ATP1A4: variants seen among roughly 807,000 people sequenced by gnomAD.
The protein encoded by ATP1A4 is sodium/potassium-transporting ATPase subunit alpha-4.
Under a neutral mutation model 114.3 loss-of-function variants are expected in ATP1A4, and 90 were observed. The ratio of observed to expected loss-of-function variants is 0.79; its 90% CI spans 0.66 to 0.94. The LOEUF is 0.94. Among genes scored for constraint, ATP1A4 ranks in the 40% least tolerant of loss-of-function variants. ATP1A4 has a pLI of 0.00. For missense variants in ATP1A4, 1,222 were observed against 1,313.6 expected (o/e 0.93, Z 1.08); for synonymous variants, 511 against 494.1 (o/e 1.03, Z -0.45).
intron 4 of ATP1A4, among the ~76,000 whole-genome samples, chr1:160,158,475 C>T (rs1410179199): frequency 6.6e-6 from 1 of 152,088 alleles, no homozygotes; most frequent in Non-Finnish European, 1.5e-5. Context: ...CTTCTGGGCT[C>T]AAGCGATCCT....
intron 10 of ATP1A4, among the ~76,000 whole-genome samples, chr1:160,169,284 G>C (rs939947907): frequency 5.9e-5 from 9 of 152,198 alleles, no homozygotes; most frequent in African/African-American, 2.2e-4. Context: ...ATGAAACGAA[G>C]AAGATGCTCT....
At chr1:160,157,954 A>G (rs1443563242) in intron 4 of ATP1A4, among the ~76,000 whole-genome samples, 2 of 152,142 alleles carry the variant, frequency 1.3e-5, no homozygotes, top group African/African-American at 4.8e-5. Context: ...TAGGCTCCAC[A>G]TTTTCCCTAT....
rs182956133 is a variant in ATP1A4 at position 160,171,520 on chromosome 1, G to A, written c.1682-65G>A. 2.8e-4 allele frequency: 450 copies of A among 1,598,550 alleles called. No individual in the cohort carries two copies. The African/African-American group carries it at 4.9e-3, about 17-fold the overall frequency. On this transcript the variant is annotated intron_variant, in intron 11 of 21. Coordinates refer to ENST00000368081, the MANE Select transcript of ATP1A4 (RefSeq NM_144699.4). ...CCTGGGGTGAGAAATCAAGGATGTTGGGGTAAGCAGATAGGAATGTAGAGT... is the reference window on the plus strand; with the variant it reads ...CCTGGGGTGAGAAATCAAGGATGTTAGGGTAAGCAGATAGGAATGTAGAGT...
At chr1:160,175,104 G>T (rs1235747328) in intron 15 of ATP1A4, among the ~76,000 whole-genome samples, 1 of 152,120 alleles carries the variant, frequency 6.6e-6, no homozygotes, top group African/African-American at 2.4e-5. Context: ...TCCATGCGCT[G>T]CAATCTTTAG....
intron 10 of ATP1A4, chr1:160,170,483 T>C (rs1653206144): frequency 6.6e-6 from 1 of 152,164 alleles, no homozygotes; most frequent in Non-Finnish European, 1.5e-5. Flanking sequence ...CAGAGGCTTT[T>C]ATGTTTTGTC....
At chr1:160,167,185 T>C in intron 9 of ATP1A4, 93 bp from the exon 10 acceptor site, 4 of 1,140,766 alleles carry the variant, frequency 3.5e-6, no homozygotes, top group Non-Finnish European at 3.8e-6. Context: ...GTACCCGCCC[T>C]CCCCATTTGT....
chr1:160,186,086 C>CAAAAAAAAAAAAAAAAAAAAAAAAA (rs527303426), intron 20 of ATP1A4, among the ~76,000 whole-genome samples, 190 bp from the exon 21 acceptor site: 3 of 32,792 alleles, frequency 9.1e-5, no homozygotes, highest in African/African-American at 1.3e-4. Flanking sequence ...GACTCTGTCG[C>CAAAAAAAAAAAAAAAAAAAAAAAAA]AAAAAAAAAA....
chr1:160,175,083 C>G (rs1390747433), intron 15 of ATP1A4, among the ~76,000 whole-genome samples: 1 of 152,122 alleles, frequency 6.6e-6, no homozygotes, highest in Non-Finnish European at 1.5e-5. Flanking sequence ...TAGCCACACC[C>G]CTGGGACTAT....
At chr1:160,158,255 A>G (rs7538294) in intron 4 of ATP1A4, among the ~76,000 whole-genome samples, 1 of 152,046 alleles carries the variant, frequency 6.6e-6, no homozygotes, top group African/African-American at 2.4e-5. Flanking sequence ...AGCTGAGATG[A>G]CTGGGACAGC....
In ATP1A4 at chr1:160,174,867, AG is replaced by A. The variant is rs1279815860; in HGVS notation, c.2311+121del. Reference sequence around the variant, plus strand: ...CTCCATGAGCCTGTACGGGCTCAGAAGAAAATCACTGTAAGACAAAATTTTG... The same window carrying A: ...CTCCATGAGCCTGTACGGGCTCAGAAAAAATCACTGTAAGACAAAATTTTG... On this transcript the variant is annotated intron_variant, in intron 15 of 21. Transcript: ENST00000368081. 11 of 1,459,974 alleles carry A rather than the reference AG, an allele frequency of 7.5e-6. No individual in the cohort carries two copies. The East Asian group carries it at 2.4e-4, about 32-fold the overall frequency. 90.4% of individuals were successfully genotyped at this position (1,459,974 alleles called of 1,614,324 possible).
At chr1:160,177,111 C>A (rs1206043359) in intron 17 of ATP1A4, among the ~76,000 whole-genome samples, 1 of 152,164 alleles carries the variant, frequency 6.6e-6, no homozygotes, top group African/African-American at 2.4e-5. Flanking sequence ...TGGGGTCAGC[C>A]TTGACAGACA....
At chr1:160,158,610 G>A (rs1387479491) in intron 4 of ATP1A4, among the ~76,000 whole-genome samples, 1 of 151,960 alleles carries the variant, frequency 6.6e-6, no homozygotes, top group African/African-American at 2.4e-5. Context: ...AAACTCCTGG[G>A]TTCAAGCAAT....
chr1:160,184,757 T>C (rs1327824281), intron 20 of ATP1A4, among the ~76,000 whole-genome samples: 1 of 152,256 alleles, frequency 6.6e-6, no homozygotes, highest in East Asian at 1.9e-4. Flanking sequence ...TGGACAGTGC[T>C]GGTCTAGGCC....
At chr1:160,173,144 C>T (rs901082340) in intron 12 of ATP1A4, among the ~76,000 whole-genome samples, 31 of 152,092 alleles carry the variant, frequency 2.0e-4, no homozygotes, top group Non-Finnish European at 8.8e-5. Flanking sequence ...CAGGGTGAGG[C>T]CACAGAAAGA....
chr1:160,176,840 G>A (rs1653482258), intron 17 of ATP1A4, among the ~76,000 whole-genome samples: 1 of 152,172 alleles, frequency 6.6e-6, no homozygotes, highest in Admixed American at 6.5e-5. Flanking sequence ...AGTATAGACA[G>A]AACATACTAC....
intron 16 of ATP1A4, 40 bp downstream of exon 16, chr1:160,176,286 T>A: frequency 6.2e-7 from 1 of 1,612,074 alleles, no homozygotes. Context: ...CCCAGAATTC[T>A]GCCTCCTAAG....
intron 3 of ATP1A4, among the ~76,000 whole-genome samples, chr1:160,155,451 G>A (rs139761851): frequency 6.6e-6 from 1 of 151,886 alleles, no homozygotes; most frequent in East Asian, 1.9e-4. Flanking sequence ...TAATTACATT[G>A]TAATGAATGT....
At chr1:160,154,382 A>C (rs192152774) in intron 2 of ATP1A4, among the ~76,000 whole-genome samples, 82 of 152,264 alleles carry the variant, frequency 5.4e-4, no homozygotes, top group Non-Finnish European at 9.9e-4. Flanking sequence ...CAAAAAAAAA[A>C]ATGGATATGT....
At chr1:160,180,263 C>T (rs79422863) in intron 18 of ATP1A4, among the ~76,000 whole-genome samples, 4,183 of 152,346 alleles carry the variant, frequency 0.027, 65 homozygotes, top group Non-Finnish European at 0.037. Context: ...TAAGGCTCTA[C>T]ATTCCTCTCC....
Sources: gnomAD v4.1 joint callset for allele counts (sites outside exome capture counted in the v4.1 genomes callset) on GRCh38, gnomAD v4.1.1 for gene constraint, MANE v1.5 for transcripts, NCBI Gene and HGNC (gene_info 2026-07-23, HGNC 2026-07-21) for gene names.